PPP3CA: variants seen among roughly 807,000 people sequenced by gnomAD.
PPP3CA encodes protein phosphatase 3 catalytic subunit alpha.
In PPP3CA, 14 loss-of-function variants were observed where a neutral mutation model predicts 66.5. The observed-to-expected ratio is 0.21, with a 90% CI of 0.14 to 0.33. PPP3CA has a LOEUF of 0.33. PPP3CA is among the 10% of genes least tolerant of loss of function. The pLI, the probability that PPP3CA is intolerant of heterozygous loss-of-function variation, is 1.00. For synonymous variants in PPP3CA, 232 were observed against 226.2 expected, an observed-to-expected ratio of 1.03 and a Z score of -0.23; for missense variants, 317 against 639.5, an observed-to-expected ratio of 0.50 and a Z score of 5.44.
chr4:101,097,958 T>A (rs2110253234), intron 5 of PPP3CA, among the ~76,000 whole-genome samples: 1 of 152,322 alleles, frequency 6.6e-6, no homozygotes, highest in South Asian at 2.1e-4. Flanking sequence ...ACAAATAGAT[T>A]TTTAAAAAAC....
chr4:101,199,477 A>T (rs1412664557), intron 1 of PPP3CA, among the ~76,000 whole-genome samples: 1 of 152,312 alleles, frequency 6.6e-6, no homozygotes, highest in East Asian at 1.9e-4. Flanking sequence ...TTTTTTTGTA[A>T]CTGCCTGTAA....
chr4:101,245,996 A>C (rs1379562966), intron 1 of PPP3CA, among the ~76,000 whole-genome samples: 14 of 150,226 alleles, frequency 9.3e-5, no homozygotes, highest in Admixed American at 9.3e-4. Flanking sequence ...CTCTCCACCT[A>C]TCTCTGCCTC....
intron 2 of PPP3CA, among the ~76,000 whole-genome samples, chr4:101,159,984 C>T (rs1426502322): frequency 1.3e-5 from 2 of 152,034 alleles, no homozygotes; most frequent in Non-Finnish European, 2.9e-5. Flanking sequence ...CTGATTCTTA[C>T]TGAAAATAGC....
chr4:101,131,421 G>GA (rs60025424), intron 2 of PPP3CA, among the ~76,000 whole-genome samples: 7,293 of 102,394 alleles, frequency 0.071, 217 homozygotes, highest in Middle Eastern at 0.14. Flanking sequence ...CAAATAGAAA[G>GA]AAAAAAAAAA....
rs184982493 is a variant in PPP3CA, at chr4:101,110,876, T to C, written c.260-1798A>G. On this transcript the variant is annotated intron_variant, in intron 2 of 13. Transcript: ENST00000394854. ...GCTCTGGGGACTTCCACAGCTATAATTGGAGCTGTAAAAACTAACATAAAT... is the reference window on the plus strand; with the variant it reads ...GCTCTGGGGACTTCCACAGCTATAACTGGAGCTGTAAAAACTAACATAAAT... 1.6e-4 allele frequency among the ~76,000 whole-genome samples: 24 copies of C among 152,280 alleles called. No individual in the cohort carries two copies. The East Asian group carries it at 2.1e-3, about 13-fold the overall frequency.
intron 2 of PPP3CA, chr4:101,158,465 G>C (rs1723396685): frequency 6.6e-6 from 1 of 152,206 alleles, no homozygotes; most frequent in Non-Finnish European, 1.5e-5. Context: ...TTAATTTTTT[G>C]TTGTTGAGGT....
chr4:101,162,568 TAAAG>T lies in PPP3CA; in HGVS notation c.259+33344_259+33347del, dbSNP rs1362498716. Among the ~76,000 whole-genome samples, 99 of 77,732 alleles carry T rather than the reference TAAAG, an allele frequency of 1.3e-3. 2 individuals are homozygous for T. Among genetic ancestry groups the T allele is most frequent in the African/African-American group, 5.6e-3 (71 of 12,724 alleles). 51.0% of individuals were successfully genotyped at this position (77,732 alleles called of 152,430 possible). Reference sequence around the variant, plus strand: ...ATAAATAAATAAATAAATAAATAAATAAAGGGAAATGTATCAGGTATAGAACTGA... The same window carrying T: ...ATAAATAAATAAATAAATAAATAAATGGAAATGTATCAGGTATAGAACTGA... On this transcript the variant is annotated intron_variant, in intron 2 of 13. Transcript: ENST00000394854.
intron 2 of PPP3CA, among the ~76,000 whole-genome samples, chr4:101,171,903 A>G (rs1197866009): frequency 6.6e-6 from 1 of 152,212 alleles, no homozygotes; most frequent in Non-Finnish European, 1.5e-5. Flanking sequence ...TGTCACTGCC[A>G]TATATAGCAC....
At position 101,287,540 on chromosome 4, in the gene PPP3CA, G is replaced by A. The variant is rs1727883336; in HGVS notation, c.58+59199C>T. Among the ~76,000 whole-genome samples the A allele has an allele frequency of 3.3e-5, 5 of 152,094 alleles. No individual in the cohort carries two copies. In the South Asian group the frequency reaches 1.0e-3, roughly 32 times the overall value. On this transcript the variant is annotated intron_variant, in intron 1 of 13. Coordinates refer to ENST00000394854, the MANE Select transcript of PPP3CA (RefSeq NM_000944.5). ...TCCTTAGATATGCAGCCCAACTCTA[G>A]GCATGTGAGTGTGAAGTTCAGACAC...
intron 1 of PPP3CA, among the ~76,000 whole-genome samples, chr4:101,308,091 T>C (rs1392516986): frequency 6.6e-6 from 1 of 152,174 alleles, no homozygotes; most frequent in East Asian, 1.9e-4. Context: ...AATTTAACAG[T>C]ACACTTTATA....
At chr4:101,307,053 G>A (rs1728557436) in intron 1 of PPP3CA, among the ~76,000 whole-genome samples, 1 of 151,028 alleles carries the variant, frequency 6.6e-6, no homozygotes, top group Non-Finnish European at 1.5e-5. Context: ...TATTGTAGGT[G>A]TTACAGCTCT....
chr4:101,332,026 C>A (rs978060015), intron 1 of PPP3CA, among the ~76,000 whole-genome samples: 1 of 152,122 alleles, frequency 6.6e-6, no homozygotes, highest in African/African-American at 2.4e-5. Flanking sequence ...AGCAGAGACA[C>A]TGATGTTGGG....
intron 1 of PPP3CA, among the ~76,000 whole-genome samples, chr4:101,307,506 C>G (rs1441153904): frequency 6.6e-6 from 1 of 152,152 alleles, no homozygotes; most frequent in Admixed American, 6.5e-5. Context: ...CTAATATATA[C>G]AGATAAAGAA....
At chr4:101,210,009 G>T (rs969422296) in intron 1 of PPP3CA, among the ~76,000 whole-genome samples, 2 of 152,158 alleles carry the variant, frequency 1.3e-5, no homozygotes, top group African/African-American at 4.8e-5. Flanking sequence ...TTAGGAGATT[G>T]TTGAAATTTC....
At chr4:101,081,451 T>A (rs1344735139) in intron 7 of PPP3CA, among the ~76,000 whole-genome samples, 1 of 152,192 alleles carries the variant, frequency 6.6e-6, no homozygotes, top group African/African-American at 2.4e-5. Flanking sequence ...AGAAATAATT[T>A]ATAATGTAAC....
At chr4:101,169,737 C>T (rs1179289062) in intron 2 of PPP3CA, among the ~76,000 whole-genome samples, 3 of 149,718 alleles carry the variant, frequency 2.0e-5, no homozygotes, top group Admixed American at 6.6e-5. Flanking sequence ...AAGTAAATGC[C>T]TTTTTTTTTT....
At chr4:101,229,763 G>A (rs1725900493) in intron 1 of PPP3CA, among the ~76,000 whole-genome samples, 1 of 151,588 alleles carries the variant, frequency 6.6e-6, no homozygotes, top group African/African-American at 2.4e-5. Context: ...ACAATGGAGA[G>A]GGTGAAAAGG....
chr4:101,268,178 A>T (rs1277618086), intron 1 of PPP3CA, among the ~76,000 whole-genome samples: 1 of 152,148 alleles, frequency 6.6e-6, no homozygotes, highest in Non-Finnish European at 1.5e-5. Flanking sequence ...TCTCTAAAAA[A>T]CATAAATAAG....
intron 1 of PPP3CA, among the ~76,000 whole-genome samples, chr4:101,291,017 C>T (rs1376183774): frequency 2.6e-5 from 4 of 152,118 alleles, no homozygotes; most frequent in African/African-American, 7.2e-5. Context: ...ACGAAGCCAT[C>T]GTAAGTAGGA....
Sources: allele counts gnomAD v4.1 joint callset (sites outside exome capture counted in the v4.1 genomes callset), GRCh38; gene constraint gnomAD v4.1.1; transcripts MANE v1.5; gene names NCBI Gene and HGNC (gene_info 2026-07-23, HGNC 2026-07-21).